Variants in ACOXL observed in about 807,000 individuals in gnomAD.
The protein encoded by ACOXL is acyl-coenzyme A oxidase-like protein.
In ACOXL, 70 loss-of-function variants were observed where a neutral mutation model predicts 71.9. The observed-to-expected ratio is 0.97, with a 90% CI of 0.80 to 1.19. ACOXL has a LOEUF of 1.19. ACOXL is among the 50% of genes most tolerant of loss of function. The probability of loss-of-function intolerance (pLI) is 0.00; values close to 1 mark genes in which losing one functional copy is unlikely to be tolerated. For synonymous variants in ACOXL, 253 were observed against 281.6 expected (o/e 0.90, Z 1.02); for missense variants, 703 against 736.3 (o/e 0.95, Z 0.52).
At chr2:111,108,328 T>G (rs897281167) in intron 17 of ACOXL, among the ~76,000 whole-genome samples, 3 of 148,656 alleles carry the variant, frequency 2.0e-5, no homozygotes, top group Middle Eastern at 3.4e-3. Context: ...TTCTTTTAAT[T>G]TTAAAAATAG....
intron 16 of ACOXL, among the ~76,000 whole-genome samples, chr2:111,083,278 G>A (rs144773830): frequency 2.8e-4 from 42 of 152,188 alleles, no homozygotes; most frequent in African/African-American, 9.6e-4. Context: ...TGTGTCAGGG[G>A]TCCCCAAGAC....
chr2:110,883,964 G>A (rs1015790920), intron 10 of ACOXL, among the ~76,000 whole-genome samples: 2 of 152,150 alleles, frequency 1.3e-5, no homozygotes, highest in Non-Finnish European at 2.9e-5. Flanking sequence ...TTCATGTGAT[G>A]GAGTACAACG....
At chr2:110,997,352 A>AG (rs1301989899) in intron 14 of ACOXL, among the ~76,000 whole-genome samples, 1 of 151,842 alleles carries the variant, frequency 6.6e-6, no homozygotes, top group Non-Finnish European at 1.5e-5. Flanking sequence ...AACGGAAAAA[A>AG]AAGACTTATA....
intron 10 of ACOXL, among the ~76,000 whole-genome samples, chr2:110,849,196 C>T (rs1692293273): frequency 6.6e-6 from 1 of 152,196 alleles, no homozygotes. Flanking sequence ...GTGGGAAAGG[C>T]AGGCGGCATC....
At chr2:110,752,966 AGTT>A (rs1679201433) in intron 1 of ACOXL, among the ~76,000 whole-genome samples, 1 of 152,018 alleles carries the variant, frequency 6.6e-6, no homozygotes, top group Non-Finnish European at 1.5e-5. Flanking sequence ...TCATTGATAT[AGTT>A]TGGATGTTTT....
intron 1 of ACOXL, among the ~76,000 whole-genome samples, chr2:110,767,960 A>G (rs1213818791): frequency 2.7e-5 from 4 of 150,930 alleles, no homozygotes; most frequent in South Asian, 2.1e-4. Flanking sequence ...ACACACACAC[A>G]CACACACACA....
intron 1 of ACOXL, among the ~76,000 whole-genome samples, chr2:110,767,775 G>T (rs1424528171): frequency 6.6e-6 from 1 of 152,164 alleles, no homozygotes; most frequent in Non-Finnish European, 1.5e-5. Flanking sequence ...AGAGCAGGAG[G>T]TGTTGCAGTC....
Position 111,118,063 on chromosome 2 carries a change from A to G in ACOXL, c.*247A>G, listed in dbSNP as rs2070478200. On this transcript the variant is annotated 3_prime_UTR_variant, in exon 18 of 18. Transcript: ENST00000439055. ...TTTCCCTGAAACCCAGCCTGGCCTG[A>G]CTGCAACCTCTCCCAACTTCAGTGC... is the stretch of plus-strand genomic sequence containing the variant. 1.7e-6 allele frequency: 1 copy of G among 580,122 alleles called. No homozygotes were observed. The highest frequency in any genetic ancestry group is 1.9e-5 in the African/African-American group (1 of 52,512). The allele number at this position is 580,122 out of a possible 1,614,324, so 35.9% of individuals were successfully genotyped here. A position where few individuals can be genotyped will look rare whatever the true frequency, so the allele number is the denominator to read the frequency against.
rs767447320 is a variant in ACOXL, at chr2:110,768,430, A to G, written c.41A>G (p.Asp14Gly). ...LTVQRVKFAM[D>G]LPLLKRAGQD... Reference sequence around the variant, plus strand: ...GTTCAGAGAGTGAAGTTTGCCATGGACCTGCCTCTGTTAAAACGTGCAGGT... The same window carrying G: ...GTTCAGAGAGTGAAGTTTGCCATGGGCCTGCCTCTGTTAAAACGTGCAGGT... The change falls in exon 2 of 18, where the codon GAC becomes GGC. Residue 14 changes from aspartate (D) to glycine (G), a missense_variant. By Grantham distance (94) the Asp-to-Gly change is moderately conservative. Coordinates refer to ENST00000439055, the MANE Select transcript of ACOXL (RefSeq NM_001142807.4). 1.9e-6 allele frequency: 3 copies of G among 1,613,638 alleles called. No individual in the cohort carries two copies. The highest frequency in any genetic ancestry group is 2.5e-6 in the Non-Finnish European group (3 of 1,179,988).
At chr2:111,111,720 C>T (rs1421072893) in intron 17 of ACOXL, among the ~76,000 whole-genome samples, 1 of 152,132 alleles carries the variant, frequency 6.6e-6, no homozygotes, top group Admixed American at 6.5e-5. Flanking sequence ...GATGATTAAG[C>T]AAACTTTGTC....
intron 14 of ACOXL, among the ~76,000 whole-genome samples, chr2:111,021,015 G>A (rs1444337710): frequency 2.6e-5 from 4 of 152,210 alleles, no homozygotes; most frequent in Non-Finnish European, 5.9e-5. Context: ...CTAGGAAAAT[G>A]TGTTGTGAAT....
At chr2:110,937,935 T>C (rs2060726690) in intron 12 of ACOXL, among the ~76,000 whole-genome samples, 1 of 152,118 alleles carries the variant, frequency 6.6e-6, no homozygotes, top group Non-Finnish European at 1.5e-5. Context: ...ACACATAGAC[T>C]CAGGAAGTAG....
intron 1 of ACOXL, among the ~76,000 whole-genome samples, chr2:110,752,828 G>A (rs761093610): frequency 4.6e-5 from 7 of 151,994 alleles, no homozygotes; most frequent in African/African-American, 7.3e-5. Flanking sequence ...ATTGTCTCAC[G>A]CAGTGTCTGT....
At chr2:111,038,443 G>A (rs2065627018) in intron 15 of ACOXL, among the ~76,000 whole-genome samples, 1 of 152,178 alleles carries the variant, frequency 6.6e-6, no homozygotes. Flanking sequence ...CCCACTCTGT[G>A]ATCAAAAAAT....
chr2:110,771,352 G>A (rs1242370966), intron 2 of ACOXL, among the ~76,000 whole-genome samples: 1 of 152,202 alleles, frequency 6.6e-6, no homozygotes, highest in Non-Finnish European at 1.5e-5. Context: ...TTGAGTCATG[G>A]CTGTCCTGCC....
chr2:111,090,524 G>A (rs1490285038), intron 16 of ACOXL, among the ~76,000 whole-genome samples: 2 of 152,130 alleles, frequency 1.3e-5, no homozygotes, highest in African/African-American at 2.4e-5. Context: ...CTGGAGGAAA[G>A]CAAAAGATTA....
intron 12 of ACOXL, among the ~76,000 whole-genome samples, chr2:110,938,821 A>T (rs1440574959): frequency 1.3e-5 from 2 of 150,626 alleles, no homozygotes; most frequent in South Asian, 2.1e-4. Flanking sequence ...TTGCTTTATT[A>T]TTTTTTTACC....
intron 14 of ACOXL, among the ~76,000 whole-genome samples, chr2:110,997,587 A>T (rs939930937): frequency 6.6e-6 from 1 of 152,216 alleles, no homozygotes; most frequent in African/African-American, 2.4e-5. Context: ...ATATTTTTAG[A>T]TATCTAAGAA....
Position 111,092,863 on chromosome 2 carries a change from A to G in ACOXL, c.1441-2A>G, listed in dbSNP as rs780889858. 1 of 1,610,770 alleles carries G rather than the reference A, an allele frequency of 6.2e-7. No homozygotes were observed. On this transcript the variant is annotated splice_acceptor_variant, in intron 16 of 17. Transcript: ENST00000439055. LOFTEE classifies it high-confidence loss of function. ...TTTCTTTTGTTTTCCCCCACCCCTT[A>G]GTTTTGTCTGTTGTATGGAACCAAG...
Sources: gnomAD v4.1 joint callset for allele counts (sites outside exome capture counted in the v4.1 genomes callset) on GRCh38, gnomAD v4.1.1 for gene constraint, MANE v1.5 for transcripts, NCBI Gene and HGNC (gene_info 2026-07-23, HGNC 2026-07-21) for gene names.